Variants in SHANK2 observed in about 807,000 individuals in gnomAD.
SHANK2 encodes the protein SH3 and multiple ankyrin repeat domains 2, also known as SH3 and multiple ankyrin repeat domains protein 2.
SHANK2 carries 43 observed loss-of-function variants against 133.7 expected under a neutral mutation model. The observed-to-expected ratio is 0.32, with a 90% confidence interval of 0.25 to 0.41. The LOEUF (loss-of-function observed/expected upper bound fraction) is 0.41, where lower values mean the gene tolerates loss of function less well. Among genes scored for constraint, SHANK2 ranks in the 10% least tolerant of loss-of-function variants. SHANK2 has a pLI of 1.00. For synonymous variants in SHANK2, 1,017 were observed against 952.8 expected (o/e 1.07, Z -1.24); for missense variants, 1,994 against 2,235.8 (o/e 0.89, Z 2.18).
intron 3 of SHANK2, among the ~76,000 whole-genome samples, chr11:71,137,586 C>T (rs1952470551): frequency 6.6e-6 from 1 of 152,126 alleles, no homozygotes. Context: ...TCTATCGGTG[C>T]CAGGGTGCTG....
intron 15 of SHANK2, among the ~76,000 whole-genome samples, chr11:70,685,023 C>T (rs1945115119): frequency 6.6e-6 from 1 of 152,074 alleles, no homozygotes; most frequent in Admixed American, 6.5e-5. Flanking sequence ...CAAGGCCTGA[C>T]CCCAACACCA....
chr11:71,117,314 C>G (rs1489817456), intron 4 of SHANK2, among the ~76,000 whole-genome samples: 1 of 152,228 alleles, frequency 6.6e-6, no homozygotes, highest in African/African-American at 2.4e-5. Flanking sequence ...GCCACCTCAC[C>G]CAGCCAGTTA....
chr11:71,110,799 G>A (rs946368588), intron 5 of SHANK2, among the ~76,000 whole-genome samples: 2 of 152,178 alleles, frequency 1.3e-5, no homozygotes, highest in Non-Finnish European at 2.9e-5. Flanking sequence ...CTCACCGTTC[G>A]CCATCCTAGT....
At chr11:70,908,928 T>G (rs932784393) in intron 10 of SHANK2, among the ~76,000 whole-genome samples, 19 of 152,116 alleles carry the variant, frequency 1.2e-4, no homozygotes, top group Admixed American at 6.5e-5. Context: ...GGAGGCCACA[T>G]CCCCTTACCC....
chr11:70,830,000 A>T (rs190338929), intron 11 of SHANK2, among the ~76,000 whole-genome samples: 1 of 152,138 alleles, frequency 6.6e-6, no homozygotes, highest in Admixed American at 6.5e-5. Flanking sequence ...TCACTGTCAG[A>T]CGCGGGCAGC....
intron 17 of SHANK2, among the ~76,000 whole-genome samples, chr11:70,549,649 G>C (rs1474418223): frequency 2.0e-5 from 3 of 152,204 alleles, no homozygotes; most frequent in African/African-American, 7.2e-5. Flanking sequence ...TGGGGAGCTT[G>C]AGTGGGACAC....
chr11:71,106,538 C>G (rs1349897544), intron 6 of SHANK2, among the ~76,000 whole-genome samples: 1 of 152,206 alleles, frequency 6.6e-6, no homozygotes, highest in African/African-American at 2.4e-5. Flanking sequence ...GATCAGGCTC[C>G]CAAGCCATTT....
intron 15 of SHANK2, among the ~76,000 whole-genome samples, chr11:70,696,066 A>C (rs1315453844): frequency 6.6e-6 from 1 of 152,196 alleles, no homozygotes; most frequent in Non-Finnish European, 1.5e-5. Flanking sequence ...TGGACACCAA[A>C]ACAGGGATGC....
At chr11:70,955,594 G>C (rs1950909427) in intron 10 of SHANK2, among the ~76,000 whole-genome samples, 1 of 152,132 alleles carries the variant, frequency 6.6e-6, no homozygotes, top group Non-Finnish European at 1.5e-5. Context: ...TTAAGGGATT[G>C]GTTTAAATGA....
At chr11:71,096,452 G>A (rs1687006112) in intron 6 of SHANK2, among the ~76,000 whole-genome samples, 2 of 152,146 alleles carry the variant, frequency 1.3e-5, no homozygotes. Context: ...CTAGAGAGAG[G>A]AACAGTCAGC....
intron 14 of SHANK2, among the ~76,000 whole-genome samples, chr11:70,750,912 A>G: frequency 6.6e-6 from 1 of 152,208 alleles, no homozygotes; most frequent in East Asian, 1.9e-4. Flanking sequence ...ATGTCAACCT[A>G]TTCCATCGGG....
chr11:70,702,271 C>T (rs947917044), intron 14 of SHANK2, among the ~76,000 whole-genome samples: 1 of 151,278 alleles, frequency 6.6e-6, no homozygotes, highest in Middle Eastern at 3.4e-3. Flanking sequence ...ATCATCACCA[C>T]CATCATCATC....
intron 2 of SHANK2, among the ~76,000 whole-genome samples, chr11:71,213,183 G>A (rs11232591): frequency 0.034 from 5,124 of 152,042 alleles, 255 homozygotes; most frequent in Admixed American, 0.15. Context: ...GAATCTTCCC[G>A]GGACAGCAGG....
At chr11:71,163,830 C>T (rs1281437570) in intron 2 of SHANK2, among the ~76,000 whole-genome samples, 1 of 152,214 alleles carries the variant, frequency 6.6e-6, no homozygotes, top group Non-Finnish European at 1.5e-5. Flanking sequence ...AACAGGGAGG[C>T]TGGAGGAAGA....
At chr11:70,878,542 G>C (rs1050682720) in intron 11 of SHANK2, among the ~76,000 whole-genome samples, 24 of 152,178 alleles carry the variant, frequency 1.6e-4, no homozygotes, top group African/African-American at 5.3e-4. Context: ...CTGCATGGTG[G>C]GTTTGGACCC....
chr11:71,174,421 C>T (rs1953379823), intron 2 of SHANK2, among the ~76,000 whole-genome samples: 5 of 152,272 alleles, frequency 3.3e-5, no homozygotes, highest in Admixed American at 3.3e-4. Context: ...GTGGCTCAAG[C>T]CTGTAATCCC....
At chr11:70,795,861 T>G (rs944764685) in intron 14 of SHANK2, among the ~76,000 whole-genome samples, 5 of 152,080 alleles carry the variant, frequency 3.3e-5, no homozygotes, top group Non-Finnish European at 5.9e-5. Flanking sequence ...AAACAAATTC[T>G]CCCCCACAGA....
Position 70,490,314 on chromosome 11 carries a change from C to A in SHANK2, c.2513G>T (p.Gly838Val). The change falls in exon 23 of 26, where the codon GGC becomes GTC. Residue 838 changes from glycine (G) to valine (V), a missense_variant. Gly to Val is a moderately radical substitution (Grantham distance 109). Around this residue, in one of 5 missense-constraint regions of SHANK2, gnomAD observed 488 missense variants for 642.6 expected, o/e 0.76. Transcript: ENST00000601538. Reference sequence around the variant, plus strand: ...CCTTCGCATCGTACCTCGAGGGATGCCCAGAAACGGGGCTTTTGGGCTCCC... The same window carrying A: ...CCTTCGCATCGTACCTCGAGGGATGACCAGAAACGGGGCTTTTGGGCTCCC... ...VPGSPKAPFL[G>V]IPRGTMRRQK... 1 of 1,614,208 alleles carries A rather than the reference C, an allele frequency of 6.2e-7. No homozygotes were observed. Among genetic ancestry groups the A allele is most frequent in the Non-Finnish European group, 8.5e-7 (1 of 1,180,020 alleles).
In SHANK2 at chr11:71,137,821, T is replaced by A. The variant is rs574635510; in HGVS notation, c.207+9299A>T. ...CTGCCAATCTCTCAGGCACATGGAC[T>A]CCATCAACTCCTAGAAGACACCCAG... On this transcript the variant is annotated intron_variant, in intron 3 of 25. Coordinates refer to ENST00000601538, the MANE Select transcript of SHANK2 (RefSeq NM_012309.5). Among the ~76,000 whole-genome samples the A allele has an allele frequency of 7.2e-5, 11 of 152,290 alleles. No individual in the cohort carries two copies. The East Asian group carries it at 2.1e-3, about 29-fold the overall frequency.
Sources: gnomAD v4.1 joint callset for allele counts (sites outside exome capture counted in the v4.1 genomes callset) on GRCh38, gnomAD v4.1.1 for gene constraint, gnomAD v4.1.1 regional missense constraint, MANE v1.5 for transcripts, NCBI Gene and HGNC (gene_info 2026-07-23, HGNC 2026-07-21) for gene names.